GMDS: variants seen among roughly 807,000 people sequenced by gnomAD.
GMDS encodes GDP-mannose 4,6-dehydratase, also known as GDP-mannose 4,6 dehydratase.
Under a neutral mutation model 49.9 loss-of-function variants are expected in GMDS, and 20 were observed. That is an observed-to-expected ratio of 0.40 (90% CI 0.28 to 0.58). The LOEUF is 0.58. Ranked by LOEUF, GMDS falls within the 20% of genes least tolerant of loss-of-function variation. GMDS has a pLI of 0.42. For synonymous variants in GMDS, 177 were observed against 178.6 expected (o/e 0.99, Z 0.07); for missense variants, 362 against 481.4 (o/e 0.75, Z 2.32).
At chr6:1,952,099 T>G (rs1429700903) in intron 6 of GMDS, 1 of 476,304 alleles carries the variant, frequency 2.1e-6, no homozygotes, top group Non-Finnish European at 2.7e-6. Flanking sequence ...CTTGGACAAC[T>G]CAATCTCATG....
intron 9 of GMDS, among the ~76,000 whole-genome samples, chr6:1,690,350 G>A (rs191080808): frequency 6.6e-6 from 1 of 152,182 alleles, no homozygotes; most frequent in East Asian, 1.9e-4. Context: ...TTTATAGTTC[G>A]AGATTTTACA....
At chr6:2,078,529 C>T (rs1191249130) in intron 4 of GMDS, among the ~76,000 whole-genome samples, 1 of 151,990 alleles carries the variant, frequency 6.6e-6, no homozygotes, top group Non-Finnish European at 1.5e-5. Context: ...TTGATCTAAT[C>T]GTCATTCAGG....
chr6:1,881,532 C>G (rs1028741295), intron 7 of GMDS, among the ~76,000 whole-genome samples: 1 of 152,198 alleles, frequency 6.6e-6, no homozygotes, highest in East Asian at 1.9e-4. Flanking sequence ...AAGAGCATTA[C>G]TGATGTAGTC....
rs147754683 is a variant in GMDS at position 1,844,348 on chromosome 6, T to C, written c.771+85755A>G. ...AACTTACTGACTACTGAGTGGATTG[T>C]ATGTACTTGGATTGTACATTTAATG... On this transcript the variant is annotated intron_variant, in intron 7 of 10. Transcript: ENST00000380815. 5.8e-3 allele frequency among the ~76,000 whole-genome samples: 883 copies of C among 152,354 alleles called. 8 individuals are homozygous for C. The highest frequency in any genetic ancestry group is 0.02 in the African/African-American group (839 of 41,580).
chr6:1,696,476 C>T (rs1242301793), intron 9 of GMDS, among the ~76,000 whole-genome samples: 2 of 152,210 alleles, frequency 1.3e-5, no homozygotes, highest in Non-Finnish European at 2.9e-5. Context: ...AGTAAATATT[C>T]CTCGAGTTGA....
At chr6:2,175,962 G>C (rs1445557400) in intron 1 of GMDS, 1 of 1,526,614 alleles carries the variant, frequency 6.6e-7, no homozygotes, top group Non-Finnish European at 8.8e-7. Flanking sequence ...AGAGGCAATG[G>C]TAACGCTCCC....
intron 4 of GMDS, among the ~76,000 whole-genome samples, chr6:2,083,810 C>T (rs906751611): frequency 2.0e-5 from 3 of 152,174 alleles, no homozygotes; most frequent in African/African-American, 7.2e-5. Flanking sequence ...TATTGATATC[C>T]TATATCCTGA....
chr6:1,662,429 G>A (rs1340881154), intron 9 of GMDS, among the ~76,000 whole-genome samples: 2 of 152,132 alleles, frequency 1.3e-5, no homozygotes, highest in South Asian at 2.1e-4. Context: ...TAGCAGCACC[G>A]TGTGTGCTGG....
chr6:1,753,751 A>G (rs1767828463), intron 7 of GMDS, among the ~76,000 whole-genome samples: 1 of 152,212 alleles, frequency 6.6e-6, no homozygotes, highest in Admixed American at 6.5e-5. Context: ...ACACAAATAT[A>G]TGGAAACTGA....
chr6:2,208,312 C>T (rs1473239573), intron 1 of GMDS, among the ~76,000 whole-genome samples: 4 of 152,204 alleles, frequency 2.6e-5, no homozygotes, highest in Non-Finnish European at 4.4e-5. Flanking sequence ...GTTCTGTTAC[C>T]AGCTGCATCA....
At chr6:1,954,186 A>C (rs1763509721) in intron 6 of GMDS, among the ~76,000 whole-genome samples, 1 of 152,258 alleles carries the variant, frequency 6.6e-6, no homozygotes, top group South Asian at 2.1e-4. Context: ...ATACAAAAGG[A>C]AAAAGCAGTT....
intron 6 of GMDS, among the ~76,000 whole-genome samples, chr6:1,956,282 T>C (rs994715610): frequency 6.6e-6 from 1 of 152,188 alleles, no homozygotes. Flanking sequence ...AAAGCAGCCA[T>C]AGATGATATA....
chr6:1,740,103 T>C (rs927190646), intron 8 of GMDS, among the ~76,000 whole-genome samples: 2 of 152,204 alleles, frequency 1.3e-5, no homozygotes, highest in African/African-American at 2.4e-5. Flanking sequence ...AAGAATAAGA[T>C]GTTATGCTTA....
At chr6:2,111,210 G>A (rs928639883) in intron 4 of GMDS, among the ~76,000 whole-genome samples, 1 of 152,060 alleles carries the variant, frequency 6.6e-6, no homozygotes, top group East Asian at 1.9e-4. Context: ...CCAACCAACC[G>A]CACAACCACA....
chr6:1,978,507 A>G (rs1029677425), intron 4 of GMDS, among the ~76,000 whole-genome samples: 1 of 152,176 alleles, frequency 6.6e-6, no homozygotes, highest in Admixed American at 6.5e-5. Flanking sequence ...TGCTTCTTTA[A>G]GCAGGACTCC....
rs565257977 is a variant in GMDS, at chr6:1,911,150, C to T, written c.771+18953G>A. On this transcript the variant is annotated intron_variant, in intron 7 of 10. Coordinates refer to ENST00000380815, the MANE Select transcript of GMDS (RefSeq NM_001500.4). ...AATAGACAGGGCCCTCCAAGAGGAA[C>T]GTTTCTAAAAGTAATAAGCTTTCCC... 1.2e-4 allele frequency among the ~76,000 whole-genome samples: 19 copies of T among 152,202 alleles called. 1 individual carries two copies. Among genetic ancestry groups the T allele is most frequent in the African/African-American group, 4.6e-4 (19 of 41,532 alleles).
chr6:2,199,813 A>G (rs931553415), intron 1 of GMDS, among the ~76,000 whole-genome samples: 1 of 152,164 alleles, frequency 6.6e-6, no homozygotes, highest in Admixed American at 6.5e-5. Flanking sequence ...CTTGTTAACC[A>G]CTTTTCAGCA....
intron 6 of GMDS, among the ~76,000 whole-genome samples, chr6:1,944,846 A>C (rs553027423): frequency 1.3e-5 from 2 of 152,318 alleles, no homozygotes; most frequent in South Asian, 4.1e-4. Flanking sequence ...AAAATGATGC[A>C]ATCATGTCTC....
rs115564618 is a variant in GMDS, at chr6:1,929,146, C to T, written c.771+957G>A. 6.2e-3 allele frequency among the ~76,000 whole-genome samples: 950 copies of T among 152,296 alleles called. 8 individuals carry two copies. Among genetic ancestry groups the T allele is most frequent in the African/African-American group, 0.021 (890 of 41,552 alleles). ...AGATGGCAGGTGAGCCTCATCTCTG[C>T]ACTAGCAAACAAACTAATTGTTTGC... On this transcript the variant is annotated intron_variant, in intron 7 of 10. Transcript: ENST00000380815.
Sources: gnomAD v4.1 joint callset for allele counts (sites outside exome capture counted in the v4.1 genomes callset) on GRCh38, gnomAD v4.1.1 for gene constraint, MANE v1.5 for transcripts, NCBI Gene and HGNC (gene_info 2026-07-23, HGNC 2026-07-21) for gene names.